GABRA2: variants seen among roughly 807,000 people sequenced by gnomAD.
GABRA2 encodes gamma-aminobutyric acid type A receptor subunit alpha2, also known as gamma-aminobutyric acid receptor subunit alpha-2.
GABRA2 carries 16 observed loss-of-function variants against 48.7 expected under a neutral mutation model. The ratio of observed to expected loss-of-function variants is 0.33; its 90% confidence interval spans 0.22 to 0.50. The LOEUF is 0.50. Among genes scored for constraint, GABRA2 ranks in the 20% least tolerant of loss-of-function variants. The probability of loss-of-function intolerance (pLI) is 0.98; values close to 1 mark genes in which losing one functional copy is unlikely to be tolerated. For missense variants in GABRA2, 275 were observed against 535.6 expected, an observed-to-expected ratio of 0.51 and a Z score of 4.80; for synonymous variants, 185 against 184.5, an observed-to-expected ratio of 1.00 and a Z score of -0.02.
At chr4:46,331,055 C>T (rs1731268803) in intron 4 of GABRA2, among the ~76,000 whole-genome samples, 1 of 151,940 alleles carries the variant, frequency 6.6e-6, no homozygotes, top group Non-Finnish European at 1.5e-5. Flanking sequence ...TTAAATTGAC[C>T]CATGGAAAGA....
intron 3 of GABRA2, among the ~76,000 whole-genome samples, 190 bp downstream of exon 3, chr4:46,385,884 T>C (rs1286206666): frequency 1.3e-5 from 2 of 152,148 alleles, no homozygotes; most frequent in Admixed American, 6.5e-5. Flanking sequence ...ATGAAAGATA[T>C]GTTAAATACA....
chr4:46,333,575 C>T (rs1221661550), intron 3 of GABRA2, among the ~76,000 whole-genome samples: 1 of 152,004 alleles, frequency 6.6e-6, no homozygotes, highest in Non-Finnish European at 1.5e-5. Context: ...TTATACTAGA[C>T]ATTAATTTAC....
At chr4:46,289,784 C>G (rs1344153493) in intron 8 of GABRA2, among the ~76,000 whole-genome samples, 2 of 152,096 alleles carry the variant, frequency 1.3e-5, no homozygotes, top group Admixed American at 6.6e-5. Context: ...TTCCATTGAT[C>G]TATGTGTCTG....
In GABRA2 at chr4:46,285,495, T is replaced by C. The variant is rs537735699; in HGVS notation, c.856+17965A>G. 5.9e-5 allele frequency among the ~76,000 whole-genome samples: 9 copies of C among 152,234 alleles called. No individual in the cohort carries two copies. The East Asian group carries it at 1.7e-3, about 29-fold the overall frequency. ...TACTAGGATGGGTAGAGTCTTCTGTTGACTCCCTCCGAAATATACAACTAT... is the reference window on the plus strand; with the variant it reads ...TACTAGGATGGGTAGAGTCTTCTGTCGACTCCCTCCGAAATATACAACTAT... On this transcript the variant is annotated intron_variant, in intron 8 of 9. Coordinates refer to ENST00000381620, the MANE Select transcript of GABRA2 (RefSeq NM_000807.4).
At chr4:46,305,796 A>G (rs1235532778) in intron 6 of GABRA2, 85 bp from the exon 7 acceptor site, 4 of 952,758 alleles carry the variant, frequency 4.2e-6, no homozygotes, top group Non-Finnish European at 6.4e-6. Flanking sequence ...TATTTCATAC[A>G]ATCACTATAT....
At chr4:46,299,721 T>C (rs1725407191) in intron 8 of GABRA2, among the ~76,000 whole-genome samples, 1 of 151,360 alleles carries the variant, frequency 6.6e-6, no homozygotes, top group Non-Finnish European at 1.5e-5. Context: ...AAGTATTTTC[T>C]TTAGGTACCT....
At position 46,249,948 on chromosome 4, in the gene GABRA2, A is replaced by G. The variant is rs200720610; in HGVS notation, c.*360T>C. On this transcript the variant is annotated 3_prime_UTR_variant, in exon 10 of 10. Transcript: ENST00000381620. The stretch of plus-strand genomic sequence containing the variant: ...TTCCATCATAATTAAGCAACAGTAG[A>G]AAATACCCCTACTTAAGAGCTAAAC... 1.7e-5 allele frequency: 3 copies of G among 179,562 alleles called. No homozygotes were observed. The highest frequency in any genetic ancestry group is 3.5e-5 in the Non-Finnish European group (3 of 85,278). The allele number at this position is 179,562 out of a possible 1,614,324, so 11.1% of individuals were successfully genotyped here.
intron 8 of GABRA2, among the ~76,000 whole-genome samples, chr4:46,269,784 T>A (rs1718940439): frequency 6.6e-6 from 1 of 151,886 alleles, no homozygotes; most frequent in Admixed American, 6.6e-5. Flanking sequence ...AAATCTCTAA[T>A]GATACAATTT....
intron 8 of GABRA2, among the ~76,000 whole-genome samples, chr4:46,273,213 G>A (rs920321240): frequency 2.0e-5 from 3 of 151,738 alleles, no homozygotes; most frequent in Non-Finnish European, 4.4e-5. Context: ...CTTTGAATGT[G>A]ATATGACTAG....
intron 3 of GABRA2, among the ~76,000 whole-genome samples, chr4:46,346,428 T>G (rs1281891863): frequency 2.6e-5 from 4 of 151,742 alleles, no homozygotes; most frequent in African/African-American, 9.7e-5. Flanking sequence ...GCAAGTATTT[T>G]GTTTAGGTAC....
chr4:46,374,760 T>A (rs1162485417), intron 3 of GABRA2, among the ~76,000 whole-genome samples: 1 of 152,068 alleles, frequency 6.6e-6, no homozygotes, highest in East Asian at 1.9e-4. Context: ...GACATCTTAC[T>A]TTTTATTACG....
chr4:46,319,055 A>C (rs1251824563), intron 4 of GABRA2, among the ~76,000 whole-genome samples: 2 of 151,856 alleles, frequency 1.3e-5, no homozygotes, highest in South Asian at 4.1e-4. Flanking sequence ...ACTACTAAAA[A>C]TCTCCATTTA....
chr4:46,296,656 G>A (rs2350775), intron 8 of GABRA2, among the ~76,000 whole-genome samples: 63,486 of 134,534 alleles, frequency 0.47, 15,151 homozygotes, highest in African/African-American at 0.59. Flanking sequence ...CTATCAGGGG[G>A]AAAAAAAAAA....
At chr4:46,321,379 T>C (rs1428870864) in intron 4 of GABRA2, among the ~76,000 whole-genome samples, 1 of 151,990 alleles carries the variant, frequency 6.6e-6, no homozygotes. Flanking sequence ...GGAAAAAAAG[T>C]AAACTATGCA....
intron 3 of GABRA2, chr4:46,365,793 G>T (rs1713945299): frequency 1.3e-5 from 2 of 151,950 alleles, no homozygotes; most frequent in Admixed American, 1.3e-4. Flanking sequence ...ACACTATATT[G>T]TGTCTCATAA....
chr4:46,285,772 T>C (rs1012408463), intron 8 of GABRA2, among the ~76,000 whole-genome samples: 2 of 152,080 alleles, frequency 1.3e-5, no homozygotes, highest in East Asian at 3.9e-4. Flanking sequence ...ATCTTGTTTT[T>C]TTTTAAGTCA....
chr4:46,289,879 TTTTATTTATTTA>T (rs1156253698), intron 8 of GABRA2, among the ~76,000 whole-genome samples: 5 of 128,354 alleles, frequency 3.9e-5, no homozygotes, highest in East Asian at 4.0e-4. Flanking sequence ...TACCAGTTTA[TTTTATTTATTTA>T]TTTATTTATT....
At chr4:46,348,161 G>A (rs1734472339) in intron 3 of GABRA2, among the ~76,000 whole-genome samples, 1 of 151,982 alleles carries the variant, frequency 6.6e-6, no homozygotes, top group African/African-American at 2.4e-5. Context: ...GCAGCCAAAA[G>A]TCACATGAAA....
At chr4:46,291,855 T>A (rs1196805938) in intron 8 of GABRA2, among the ~76,000 whole-genome samples, 2 of 151,584 alleles carry the variant, frequency 1.3e-5, no homozygotes, top group Non-Finnish European at 2.9e-5. Context: ...TAGAGAACCC[T>A]GACTAATACA....
Sources: allele counts gnomAD v4.1 joint callset (sites outside exome capture counted in the v4.1 genomes callset), GRCh38; gene constraint gnomAD v4.1.1; transcripts MANE v1.5; gene names NCBI Gene and HGNC (gene_info 2026-07-23, HGNC 2026-07-21).